FAT3: variants seen among roughly 807,000 people sequenced by gnomAD.
The protein encoded by FAT3 is FAT atypical cadherin 3.
A neutral mutation model predicts 310.2 loss-of-function variants in FAT3; 95 were observed. That is an observed-to-expected ratio of 0.31 (90% confidence interval 0.26 to 0.36). The LOEUF is 0.36. Ranked by LOEUF, FAT3 falls within the 10% of genes least tolerant of loss-of-function variation. FAT3 has a pLI of 1.00. For missense variants in FAT3, 5,408 were observed against 5,715.6 expected (o/e 0.95, Z 1.74); for synonymous variants, 2,314 against 2,192.9 (o/e 1.06, Z -1.54).
chr11:92,770,515 T>C (rs1946430964), intron 6 of FAT3, among the ~76,000 whole-genome samples: 1 of 152,192 alleles, frequency 6.6e-6, no homozygotes, highest in Admixed American at 6.5e-5. Context: ...TTAAGTTCGG[T>C]GTACATGCGG....
intron 3 of FAT3, among the ~76,000 whole-genome samples, chr11:92,693,599 G>T (rs1242262621): frequency 6.6e-6 from 1 of 152,118 alleles, no homozygotes; most frequent in Non-Finnish European, 1.5e-5. Context: ...ATTCCTCTGG[G>T]CCAGGAAGGA....
At chr11:92,460,787 G>A (rs932826485) in intron 2 of FAT3, among the ~76,000 whole-genome samples, 3 of 152,178 alleles carry the variant, frequency 2.0e-5, no homozygotes, top group Admixed American at 6.5e-5. Context: ...TATGGACATT[G>A]TATAGCTGAA....
At chr11:92,614,433 T>C (rs1471385610) in intron 3 of FAT3, among the ~76,000 whole-genome samples, 1 of 152,254 alleles carries the variant, frequency 6.6e-6, no homozygotes, top group Non-Finnish European at 1.5e-5. Flanking sequence ...ATTTTGATTC[T>C]AGCCATCCTA....
chr11:92,347,365 A>C (rs1440112651), intron 1 of FAT3, among the ~76,000 whole-genome samples: 1 of 152,196 alleles, frequency 6.6e-6, no homozygotes, highest in African/African-American at 2.4e-5. Flanking sequence ...AAATTTCTTG[A>C]GTACCCTCCC....
At chr11:92,398,279 T>A (rs1949925575) in intron 2 of FAT3, among the ~76,000 whole-genome samples, 2 of 152,160 alleles carry the variant, frequency 1.3e-5, no homozygotes, top group South Asian at 2.1e-4. Context: ...GGCGGGTGGA[T>A]CACCTGAGGT....
chr11:92,657,871 G>A (rs1447115010), intron 3 of FAT3, among the ~76,000 whole-genome samples: 2 of 152,008 alleles, frequency 1.3e-5, no homozygotes, highest in Non-Finnish European at 2.9e-5. Flanking sequence ...CATTTTTAGT[G>A]GTCTGACAAT....
At chr11:92,237,219 T>A (rs1369053855) in intron 1 of FAT3, among the ~76,000 whole-genome samples, 1 of 151,924 alleles carries the variant, frequency 6.6e-6, no homozygotes, top group Non-Finnish European at 1.5e-5. Flanking sequence ...AGGCAGAGAG[T>A]TAATTCACAG....
intron 4 of FAT3, among the ~76,000 whole-genome samples, chr11:92,755,445 A>T (rs989657457): frequency 1.2e-4 from 18 of 152,106 alleles, no homozygotes; most frequent in African/African-American, 4.3e-4. Flanking sequence ...CCTGGTATCG[A>T]ACTCCTGACC....
chr11:92,722,074 T>C (rs1944877389), intron 4 of FAT3, among the ~76,000 whole-genome samples: 1 of 151,804 alleles, frequency 6.6e-6, no homozygotes, highest in Admixed American at 6.6e-5. Context: ...TTCTCAACAG[T>C]CCCCCAAAGT....
At chr11:92,508,027 C>T (rs191798933) in intron 2 of FAT3, among the ~76,000 whole-genome samples, 6 of 152,168 alleles carry the variant, frequency 3.9e-5, no homozygotes, top group East Asian at 1.9e-4. Flanking sequence ...CTTTTCCCAT[C>T]GTAGGCTTTT....
At chr11:92,739,405 T>C (rs569695495) in intron 4 of FAT3, among the ~76,000 whole-genome samples, 1 of 152,324 alleles carries the variant, frequency 6.6e-6, no homozygotes, top group South Asian at 2.1e-4. Flanking sequence ...TCAATAGACA[T>C]TCCTATTGCC....
At chr11:92,272,644 G>A (rs777861190) in intron 1 of FAT3, among the ~76,000 whole-genome samples, 1 of 152,088 alleles carries the variant, frequency 6.6e-6, no homozygotes, top group Non-Finnish European at 1.5e-5. Flanking sequence ...AAGAGGGAAA[G>A]CTGCATGGGA....
intron 2 of FAT3, among the ~76,000 whole-genome samples, chr11:92,356,626 C>T (rs1266015157): frequency 6.6e-6 from 1 of 152,086 alleles, no homozygotes; most frequent in Non-Finnish European, 1.5e-5. Context: ...GCACTAATGC[C>T]ATCATTAAGG....
At chr11:92,568,066 A>G (rs541644653) in intron 3 of FAT3, among the ~76,000 whole-genome samples, 1 of 152,264 alleles carries the variant, frequency 6.6e-6, no homozygotes, top group East Asian at 1.9e-4. Flanking sequence ...AATTCATGCC[A>G]TTCAGTCAAT....
At chr11:92,227,560 A>G (rs1205642999) in intron 1 of FAT3, among the ~76,000 whole-genome samples, 1 of 152,088 alleles carries the variant, frequency 6.6e-6, no homozygotes, top group African/African-American at 2.4e-5. Context: ...ACCAGCAGAC[A>G]CTGAACTTCT....
intron 3 of FAT3, among the ~76,000 whole-genome samples, chr11:92,553,214 A>C (rs1954882464): frequency 6.6e-6 from 1 of 152,166 alleles, no homozygotes; most frequent in Non-Finnish European, 1.5e-5. Flanking sequence ...AACTATAAAC[A>C]TCAATTCTTT....
At position 92,411,590 on chromosome 11, in the gene FAT3, G is replaced by A. The variant is rs75064624; in HGVS notation, c.3292+56186G>A. Among the ~76,000 whole-genome samples the A allele has an allele frequency of 3.7e-4, 57 of 152,152 alleles. 1 individual carries two copies. The East Asian group carries it at 0.011, about 28-fold the overall frequency. On this transcript the variant is annotated intron_variant, in intron 2 of 27. Coordinates refer to ENST00000525166, the MANE Select transcript of FAT3 (RefSeq NM_001367949.2). The stretch of plus-strand genomic sequence containing the variant: ...CACTGAAAAACACTGGCTGTGTTTC[G>A]CATGGAAGGAGAGAATCCAGGGATT...
At chr11:92,386,861 C>CTA (rs1215168304) in intron 2 of FAT3, among the ~76,000 whole-genome samples, 4 of 152,184 alleles carry the variant, frequency 2.6e-5, no homozygotes, top group Non-Finnish European at 4.4e-5. Context: ...CGTAAGTGGA[C>CTA]TATATCATGC....
chr11:92,240,053 T>A (rs1864610984), intron 1 of FAT3, among the ~76,000 whole-genome samples: 1 of 152,160 alleles, frequency 6.6e-6, no homozygotes. Context: ...TTCAGGAATT[T>A]GAGTAATAGG....
Sources: gnomAD v4.1 joint callset for allele counts (sites outside exome capture counted in the v4.1 genomes callset) on GRCh38, gnomAD v4.1.1 for gene constraint, MANE v1.5 for transcripts, NCBI Gene and HGNC (gene_info 2026-07-23, HGNC 2026-07-21) for gene names.